Variants in SPDL1 observed in about 807,000 individuals in gnomAD.
SPDL1 encodes spindle apparatus coiled-coil protein 1.
In SPDL1, 85 loss-of-function variants were observed where a neutral mutation model predicts 79.5. The ratio of observed to expected loss-of-function variants is 1.07; its 90% CI spans 0.90 to 1.28. The LOEUF (loss-of-function observed/expected upper bound fraction) is 1.28. SPDL1 is among the 50% of genes most tolerant of loss of function. The pLI, the probability that SPDL1 is intolerant of heterozygous loss-of-function variation, is 0.00. For synonymous variants in SPDL1, 269 were observed against 240.3 expected (o/e 1.12, Z -1.10); for missense variants, 703 against 697.8 (o/e 1.01, Z -0.08).
At chr5:169,596,507 T>C in intron 7 of SPDL1, 54 bp from the exon 8 acceptor site, 2 of 1,462,118 alleles carry the variant, frequency 1.4e-6, no homozygotes, top group East Asian at 2.3e-5. Flanking sequence ...AAAGTAGTTA[T>C]CAGAATCTTT....
chr5:169,604,187 A>C lies in SPDL1; in HGVS notation c.1798A>C (p.Thr600Pro). Residue 600 changes from threonine (T) to proline (P), a missense_variant, in exon 12 of 12, where the codon ACC (threonine) becomes CCC (proline). Transcript: ENST00000265295. ...TGTGTCTTCTAAATCTACTCCAGAG[A>C]CCCAGTGCCCTCAACAGTAAAGACT... Reference protein sequence around the residue: ...LYVSSKSTPETQCPQQ With the variant: ...LYVSSKSTPEPQCPQQ The C allele has an allele frequency of 6.2e-7, 1 of 1,601,148 alleles. No homozygotes were observed. The highest frequency in any genetic ancestry group is 8.5e-7 in the Non-Finnish European group (1 of 1,175,336).
At chr5:169,598,868 T>A in intron 9 of SPDL1, 104 bp from the exon 10 acceptor site, 2 of 1,396,294 alleles carry the variant, frequency 1.4e-6, no homozygotes, top group Non-Finnish European at 9.4e-7. Flanking sequence ...CCCAGAAAAA[T>A]GTATTTTTAA....
chr5:169,600,165 G>A (rs1755807943), intron 10 of SPDL1, among the ~76,000 whole-genome samples: 1 of 152,144 alleles, frequency 6.6e-6, no homozygotes, highest in African/African-American at 2.4e-5. Context: ...ACAAGTTTTT[G>A]TCCCCGCACT....
Sources: gnomAD v4.1 joint callset for allele counts (sites outside exome capture counted in the v4.1 genomes callset) on GRCh38, gnomAD v4.1.1 for gene constraint, MANE v1.5 for transcripts, NCBI Gene and HGNC (gene_info 2026-07-23, HGNC 2026-07-21) for gene names.